Variants in XRCC4 observed in about 807,000 individuals in gnomAD.
The protein encoded by XRCC4 is X-ray repair cross complementing 4, also known as DNA repair protein XRCC4.
XRCC4 carries 28 observed loss-of-function variants against 39.1 expected under a neutral mutation model. The ratio of observed to expected loss-of-function variants is 0.72; its 90% CI spans 0.53 to 0.98. The LOEUF is 0.98. Among genes scored for constraint, XRCC4 ranks in the 50% least tolerant of loss-of-function variants. The probability of loss-of-function intolerance (pLI) is 0.00; values close to 1 mark genes in which losing one functional copy is unlikely to be tolerated. For synonymous variants in XRCC4, 123 were observed against 126.4 expected (o/e 0.97, Z 0.18); for missense variants, 350 against 376.4 (o/e 0.93, Z 0.58).
chr5:83,229,296 G>A (rs1311175912), intron 6 of XRCC4, among the ~76,000 whole-genome samples: 1 of 152,012 alleles, frequency 6.6e-6, no homozygotes, highest in East Asian at 1.9e-4. Context: ...CATTGTGCTG[G>A]CAGGTATTAT....
intron 6 of XRCC4, among the ~76,000 whole-genome samples, chr5:83,235,908 A>G (rs1752670876): frequency 6.6e-6 from 1 of 152,166 alleles, no homozygotes; most frequent in Admixed American, 6.6e-5. Context: ...AATCAGTAAT[A>G]TATTTATATG....
At chr5:83,109,760 A>G (rs954268034) in intron 2 of XRCC4, among the ~76,000 whole-genome samples, 8 of 152,010 alleles carry the variant, frequency 5.3e-5, no homozygotes, top group African/African-American at 1.9e-4. Flanking sequence ...TCTAGATGAC[A>G]GTGAGTATAA....
chr5:83,279,054 TTATAATATATATAATAAAA>T (rs1041083487), intron 7 of XRCC4, among the ~76,000 whole-genome samples: 4 of 145,820 alleles, frequency 2.7e-5, no homozygotes, highest in South Asian at 4.2e-4. Flanking sequence ...TTATATATTT[TTATAATATATATAATAAAA>T]TATAATATAT....
intron 7 of XRCC4, among the ~76,000 whole-genome samples, chr5:83,346,580 G>A (rs1017797042): frequency 1.4e-5 from 2 of 144,962 alleles, no homozygotes; most frequent in South Asian, 2.1e-4. Context: ...AAAACATTAG[G>A]TAAAGTAAAT....
intron 2 of XRCC4, among the ~76,000 whole-genome samples, chr5:83,110,369 C>T (rs1429264898): frequency 1.3e-5 from 2 of 151,834 alleles, no homozygotes; most frequent in African/African-American, 4.8e-5. Flanking sequence ...AAGATAATAT[C>T]TAGAATTGAA....
chr5:83,108,577 T>G (rs1317741121), intron 2 of XRCC4, among the ~76,000 whole-genome samples: 2 of 151,834 alleles, frequency 1.3e-5, no homozygotes, highest in African/African-American at 4.8e-5. Flanking sequence ...GAATGAATGA[T>G]TACATATTTT....
chr5:83,235,062 G>A (rs1752634337), intron 6 of XRCC4, among the ~76,000 whole-genome samples: 2 of 151,642 alleles, frequency 1.3e-5, no homozygotes, highest in South Asian at 4.2e-4. Flanking sequence ...GGCTGGGCAT[G>A]GTTGGTTCAC....
At chr5:83,163,611 T>C (rs1237165325) in intron 3 of XRCC4, among the ~76,000 whole-genome samples, 2 of 152,218 alleles carry the variant, frequency 1.3e-5, no homozygotes, top group Admixed American at 1.3e-4. Context: ...GGCTTTAATA[T>C]CCAAATGATG....
chr5:83,245,492 G>T (rs78727090), intron 6 of XRCC4, among the ~76,000 whole-genome samples: 11,258 of 151,802 alleles, frequency 0.074, 565 homozygotes, highest in Non-Finnish European at 0.096. Context: ...AGAAACCTAG[G>T]AATATAATTG....
At chr5:83,197,015 G>T (rs1381141955) in intron 4 of XRCC4, among the ~76,000 whole-genome samples, 1 of 151,502 alleles carries the variant, frequency 6.6e-6, no homozygotes, top group Non-Finnish European at 1.5e-5. Context: ...GTAAAATTAA[G>T]TTCCTAACAT....
At chr5:83,302,165 T>G (rs1200453090) in intron 7 of XRCC4, among the ~76,000 whole-genome samples, 1 of 151,954 alleles carries the variant, frequency 6.6e-6, no homozygotes, top group Non-Finnish European at 1.5e-5. Context: ...TGGGATCCGC[T>G]GAGCAAGGCC....
At chr5:83,256,938 A>G (rs1226155002) in intron 6 of XRCC4, among the ~76,000 whole-genome samples, 1 of 152,176 alleles carries the variant, frequency 6.6e-6, no homozygotes, top group African/African-American at 2.4e-5. Context: ...TACTTTATGA[A>G]GTAATTTTAA....
chr5:83,346,452 T>C (rs539510002), intron 7 of XRCC4, among the ~76,000 whole-genome samples: 1 of 152,272 alleles, frequency 6.6e-6, no homozygotes, highest in South Asian at 2.1e-4. Flanking sequence ...TGTTAAATAT[T>C]GATATAATAT....
chr5:83,270,032 AT>A (rs1353641035), intron 7 of XRCC4, among the ~76,000 whole-genome samples: 2 of 146,420 alleles, frequency 1.4e-5, no homozygotes, highest in Non-Finnish European at 3.0e-5. Context: ...AAATGGTCCC[AT>A]TTGGGGGTGA....
chr5:83,080,577 C>A (rs890068349), intron 1 of XRCC4, among the ~76,000 whole-genome samples: 1 of 151,898 alleles, frequency 6.6e-6, no homozygotes, highest in African/African-American at 2.4e-5. Context: ...AAATAGCATG[C>A]CTTTCTGAGT....
At chr5:83,273,233 G>A (rs868116539) in intron 7 of XRCC4, among the ~76,000 whole-genome samples, 26 of 152,284 alleles carry the variant, frequency 1.7e-4, no homozygotes, top group Middle Eastern at 6.8e-3. Flanking sequence ...CTTTTGAGAA[G>A]TGTCTGTTCA....
chr5:83,114,003 C>A (rs1746583008), intron 3 of XRCC4, among the ~76,000 whole-genome samples: 1 of 152,200 alleles, frequency 6.6e-6, no homozygotes. Flanking sequence ...CACTCGCAGG[C>A]TCAACACCAT....
At chr5:83,279,509 C>T (rs1754462730) in intron 7 of XRCC4, among the ~76,000 whole-genome samples, 2 of 152,152 alleles carry the variant, frequency 1.3e-5, no homozygotes, top group South Asian at 4.1e-4. Flanking sequence ...GATGATTACT[C>T]AAATACCCTA....
At chr5:83,233,559 T>A (rs890144924) in intron 6 of XRCC4, among the ~76,000 whole-genome samples, 1 of 151,876 alleles carries the variant, frequency 6.6e-6, no homozygotes, top group Non-Finnish European at 1.5e-5. Flanking sequence ...ATATATATAT[T>A]ATGCAGAAAC....
Sources: gnomAD v4.1 joint callset for allele counts (sites outside exome capture counted in the v4.1 genomes callset) on GRCh38, gnomAD v4.1.1 for gene constraint, MANE v1.5 for transcripts, NCBI Gene and HGNC (gene_info 2026-07-23, HGNC 2026-07-21) for gene names.